INPP5F: variants seen among roughly 807,000 people sequenced by gnomAD.
INPP5F encodes the protein inositol polyphosphate-5-phosphatase F.
In INPP5F, 97 loss-of-function variants were observed where a neutral mutation model predicts 137.2. The ratio of observed to expected loss-of-function variants is 0.71; its 90% CI spans 0.60 to 0.84. INPP5F has a LOEUF of 0.84. Among genes scored for constraint, INPP5F ranks in the 40% least tolerant of loss-of-function variants. INPP5F has a pLI of 0.00. For missense variants in INPP5F, 1,271 were observed against 1,371.9 expected (o/e 0.93, Z 1.16); for synonymous variants, 504 against 476.9 (o/e 1.06, Z -0.74).
chr10:119,770,011 C>T (rs770654796), intron 2 of INPP5F, among the ~76,000 whole-genome samples: 22 of 152,154 alleles, frequency 1.4e-4, no homozygotes, highest in Non-Finnish European at 3.1e-4. Context: ...CTTTATCCTA[C>T]AGTTGCTCAT....
chr10:119,793,116 GC>G (rs1271915556), intron 6 of INPP5F, among the ~76,000 whole-genome samples: 1 of 152,148 alleles, frequency 6.6e-6, no homozygotes, highest in African/African-American at 2.4e-5. Context: ...TCTGTAATGA[GC>G]ATTTGTCCTG....
Position 119,751,104 on chromosome 10 carries a change from C to T in INPP5F, c.126C>T (p.Pro42=). The change falls in exon 2 of 20, where the codon CCC becomes CCT. Residue 42 remains proline (P), a synonymous_variant. Transcript: ENST00000650623. ...PATDLLLAWN[P]ICLGLVEGVI... ...CTGATCTACTTCTTGCCTGGAATCC[C>T]ATTTGTTTGGGGTTGGTAGAAGGTG... 6.2e-7 allele frequency: 1 copy of T among 1,611,386 alleles called. No homozygotes were observed. Among genetic ancestry groups the T allele is most frequent in the Non-Finnish European group, 8.5e-7 (1 of 1,177,518 alleles).
rs115370399 is a variant in INPP5F at position 119,784,644 on chromosome 10, G to A, written c.315+2873G>A. ...GAATTTCTAGTTTTCTGCCTCTGTT[G>A]TCTTTTTATCGCAAATATATGCCTT... On this transcript the variant is annotated intron_variant, in intron 3 of 19. Coordinates refer to ENST00000650623, the MANE Select transcript of INPP5F (RefSeq NM_014937.4). Among the ~76,000 whole-genome samples, 687 of 152,232 alleles carry A rather than the reference G, an allele frequency of 4.5e-3. 3 individuals carry two copies. Among genetic ancestry groups the A allele is most frequent in the African/African-American group, 0.016 (645 of 41,554 alleles).
rs1247749039 is a variant in INPP5F, at chr10:119,795,237, C to T, written c.670-1478C>T. On this transcript the variant is annotated intron_variant, in intron 6 of 19. Coordinates refer to ENST00000650623, the MANE Select transcript of INPP5F (RefSeq NM_014937.4). ...GGCGCCCCTCACCTCCTGGACGGGGCGGCTGGCCGGGCGGGGGGCTGACCC... is the reference window on the plus strand; with the variant it reads ...GGCGCCCCTCACCTCCTGGACGGGGTGGCTGGCCGGGCGGGGGGCTGACCC... 3.3e-5 allele frequency among the ~76,000 whole-genome samples: 5 copies of T among 149,272 alleles called. No homozygotes were observed. In the East Asian group the frequency reaches 8.1e-4, roughly 24 times the overall value.
rs1459290720 is a variant in INPP5F at position 119,820,906 on chromosome 10, C to T, written c.1947C>T (p.Tyr649=). The change falls in exon 16 of 20, where the codon TAC becomes TAT. Residue 649 remains tyrosine (Y), a synonymous_variant. Coordinates refer to ENST00000650623, the MANE Select transcript of INPP5F (RefSeq NM_014937.4). ...DVLLLLSNSA[Y]YVAYYDDEVD... Reference sequence around the variant, plus strand: ...TGTTACTGCTTTCTAACTCTGCCTACTACGTGGCCTAGTAAGTTGCTTATT... The same window carrying T: ...TGTTACTGCTTTCTAACTCTGCCTATTACGTGGCCTAGTAAGTTGCTTATT... The T allele has an allele frequency of 3.7e-6, 6 of 1,600,706 alleles. No homozygotes were observed. Among genetic ancestry groups the T allele is most frequent in the Non-Finnish European group, 2.6e-6 (3 of 1,167,794 alleles).
chr10:119,764,490 G>C (rs554564982), intron 2 of INPP5F, among the ~76,000 whole-genome samples: 1 of 151,894 alleles, frequency 6.6e-6, no homozygotes, highest in South Asian at 2.1e-4. Context: ...CTCTTCCTCA[G>C]CTTACTTAAC....
chr10:119,825,481 G>T (rs531725309), intron 19 of INPP5F, among the ~76,000 whole-genome samples: 2 of 152,202 alleles, frequency 1.3e-5, no homozygotes, highest in Admixed American at 1.3e-4. Flanking sequence ...AAGTATTTAC[G>T]TAGGTGGTAT....
chr10:119,727,604 A>T (rs750161236), intron 1 of INPP5F, among the ~76,000 whole-genome samples: 1 of 152,230 alleles, frequency 6.6e-6, no homozygotes, highest in Non-Finnish European at 1.5e-5. Context: ...AGGAAGGCCT[A>T]CTAGTTGCTT....
intron 16 of INPP5F, among the ~76,000 whole-genome samples, chr10:119,821,132 A>G (rs551577158): frequency 8.5e-5 from 13 of 152,208 alleles, no homozygotes; most frequent in Non-Finnish European, 1.8e-4. Context: ...TTAAATTAGT[A>G]TGTTTATGTT....
intron 15 of INPP5F, among the ~76,000 whole-genome samples, chr10:119,820,476 T>A (rs146628417): frequency 6.6e-6 from 1 of 152,366 alleles, no homozygotes; most frequent in Non-Finnish European, 1.5e-5. Context: ...TGAGATAGTT[T>A]AGATGATTTC....
chr10:119,785,953 T>TA (rs1270341486), intron 3 of INPP5F, among the ~76,000 whole-genome samples: 1 of 152,148 alleles, frequency 6.6e-6, no homozygotes, highest in Non-Finnish European at 1.5e-5. Flanking sequence ...AGAAAAAAAA[T>TA]ACCCTTTAAA....
chr10:119,770,061 AT>A (rs1410488996), intron 2 of INPP5F, among the ~76,000 whole-genome samples: 7 of 152,168 alleles, frequency 4.6e-5, no homozygotes, highest in Non-Finnish European at 8.8e-5. Context: ...AAGCAATTGA[AT>A]CTTTTCCAGG....
intron 1 of INPP5F, among the ~76,000 whole-genome samples, chr10:119,733,151 A>G (rs947153113): frequency 6.6e-6 from 1 of 152,226 alleles, no homozygotes; most frequent in Non-Finnish European, 1.5e-5. Flanking sequence ...AGTGTAGCCT[A>G]TATGGAGAAT....
intron 19 of INPP5F, 25 bp from the exon 20 acceptor site, chr10:119,826,606 A>G (rs1851769142): frequency 1.3e-6 from 2 of 1,525,144 alleles, no homozygotes; most frequent in African/African-American, 1.4e-5. Context: ...TGGGGAATTA[A>G]CTTTTTTTCT....
intron 8 of INPP5F, 121 bp downstream of exon 8, chr10:119,797,761 G>A (rs954910844): frequency 4.5e-6 from 3 of 665,800 alleles, no homozygotes; most frequent in Admixed American, 3.6e-5. Context: ...ACGATAACTT[G>A]TATTTGAAAA....
chr10:119,791,792 G>A, intron 4 of INPP5F, 77 bp from the exon 5 acceptor site: 1 of 1,383,318 alleles, frequency 7.2e-7, no homozygotes, highest in Non-Finnish European at 9.9e-7. Context: ...TTTCACTTCT[G>A]TCTTAGGAAT....
intron 5 of INPP5F, 38 bp from the exon 6 acceptor site, chr10:119,792,119 A>G: frequency 6.2e-7 from 1 of 1,614,070 alleles, no homozygotes; most frequent in Non-Finnish European, 8.5e-7. Flanking sequence ...AAACTGAAAT[A>G]ATGTGTTTCT....
intron 15 of INPP5F, among the ~76,000 whole-genome samples, chr10:119,812,762 A>T (rs1381933087): frequency 6.6e-6 from 1 of 152,192 alleles, no homozygotes; most frequent in Non-Finnish European, 1.5e-5. Flanking sequence ...TTATGTATGG[A>T]TATAATATGT....
chr10:119,806,986 G>A (rs983095162), intron 12 of INPP5F, among the ~76,000 whole-genome samples: 1 of 151,992 alleles, frequency 6.6e-6, no homozygotes, highest in South Asian at 2.1e-4. Flanking sequence ...AATGTGGTGT[G>A]TAGGCTGGGC....
Sources: allele counts gnomAD v4.1 joint callset (sites outside exome capture counted in the v4.1 genomes callset), GRCh38; gene constraint gnomAD v4.1.1; transcripts MANE v1.5; gene names NCBI Gene and HGNC (gene_info 2026-07-23, HGNC 2026-07-21).